CTNNA3: variants seen among roughly 807,000 people sequenced by gnomAD.
The protein encoded by CTNNA3 is catenin alpha-3.
CTNNA3 carries 76 observed loss-of-function variants against 95.7 expected under a neutral mutation model. The observed-to-expected ratio is 0.79, with a 90% CI of 0.66 to 0.96. The LOEUF (loss-of-function observed/expected upper bound fraction) is 0.96. Among genes scored for constraint, CTNNA3 ranks in the 40% least tolerant of loss-of-function variants. The probability of loss-of-function intolerance (pLI) is 0.00; values close to 1 mark genes in which losing one functional copy is unlikely to be tolerated. For missense variants in CTNNA3, 1,191 were observed against 1,089.8 expected (o/e 1.09, Z -1.31); for synonymous variants, 431 against 374.4 (o/e 1.15, Z -1.74).
At chr10:66,418,277 T>C (rs1022445043) in intron 11 of CTNNA3, among the ~76,000 whole-genome samples, 1 of 151,448 alleles carries the variant, frequency 6.6e-6, no homozygotes, top group East Asian at 1.9e-4. Flanking sequence ...CTAGAGGAAG[T>C]AGATACATTG....
At chr10:66,773,411 C>T (rs1439574470) in intron 8 of CTNNA3, among the ~76,000 whole-genome samples, 1 of 152,134 alleles carries the variant, frequency 6.6e-6, no homozygotes, top group Non-Finnish European at 1.5e-5. Context: ...CAACTTGAAA[C>T]AGCATGAAAG....
chr10:66,605,408 T>C (rs1366694116), intron 10 of CTNNA3, among the ~76,000 whole-genome samples: 8 of 152,168 alleles, frequency 5.3e-5, no homozygotes, highest in Non-Finnish European at 1.0e-4. Flanking sequence ...CCATGAGAAC[T>C]TCTCCAACCT....
rs535678005 is a variant in CTNNA3, at chr10:66,452,566, T to G, written c.1531+68051A>C. ...ACAGCTCCTTCTTGGACAAAACCCC[T>G]CATTGCTTGGAGATCAGACTTCCTT... On this transcript the variant is annotated intron_variant, in intron 11 of 17. Transcript: ENST00000433211. Among the ~76,000 whole-genome samples, 22 of 152,242 alleles carry G rather than the reference T, an allele frequency of 1.4e-4. No individual in the cohort carries two copies. The South Asian group carries it at 4.4e-3, about 30-fold the overall frequency.
intron 12 of CTNNA3, among the ~76,000 whole-genome samples, chr10:66,353,185 T>C (rs1194086932): frequency 4.6e-5 from 7 of 152,056 alleles, no homozygotes; most frequent in Admixed American, 2.6e-4. Flanking sequence ...AATTCCTCAG[T>C]AAAGCATTTT....
At chr10:67,126,643 A>T (rs1030640982) in intron 7 of CTNNA3, among the ~76,000 whole-genome samples, 6 of 152,250 alleles carry the variant, frequency 3.9e-5, no homozygotes, top group South Asian at 2.1e-4. Context: ...TTTCTTCAAT[A>T]TATCTCAGCC....
At chr10:67,117,975 T>G (rs1429426859) in intron 7 of CTNNA3, among the ~76,000 whole-genome samples, 1 of 152,078 alleles carries the variant, frequency 6.6e-6, no homozygotes, top group Non-Finnish European at 1.5e-5. Flanking sequence ...AGCAATTATT[T>G]AACACATTAC....
intron 1 of CTNNA3, among the ~76,000 whole-genome samples, chr10:67,726,426 T>TAATAA (rs1554879490): frequency 1.4e-4 from 4 of 29,518 alleles, no homozygotes; most frequent in Non-Finnish European, 1.8e-4. Flanking sequence ...ATATTATATA[T>TAATAA]TATATCATAT....
intron 2 of CTNNA3, among the ~76,000 whole-genome samples, chr10:67,608,954 G>T (rs1242117234): frequency 4.6e-5 from 7 of 151,988 alleles, no homozygotes; most frequent in Non-Finnish European, 8.8e-5. Flanking sequence ...GCCGGGCATG[G>T]TGGCGCATGC....
chr10:67,228,514 G>C (rs1054973525), intron 5 of CTNNA3, among the ~76,000 whole-genome samples: 2 of 152,138 alleles, frequency 1.3e-5, no homozygotes, highest in African/African-American at 4.8e-5. Context: ...TTGGGAGGCT[G>C]AGGCAGGAGA....
intron 7 of CTNNA3, among the ~76,000 whole-genome samples, chr10:66,870,727 A>C (rs1354443924): frequency 6.6e-6 from 1 of 152,188 alleles, no homozygotes; most frequent in Non-Finnish European, 1.5e-5. Flanking sequence ...ACTCCCACTC[A>C]AGAGGTACTA....
intron 10 of CTNNA3, among the ~76,000 whole-genome samples, chr10:66,596,310 A>T (rs1215196586): frequency 6.6e-6 from 1 of 152,052 alleles, no homozygotes; most frequent in Non-Finnish European, 1.5e-5. Flanking sequence ...CCAGGATTCC[A>T]TGCCCCTCAA....
chr10:67,737,867 AC>A (rs774194111), intron 1 of CTNNA3, among the ~76,000 whole-genome samples: 108 of 152,348 alleles, frequency 7.1e-4, no homozygotes, highest in Non-Finnish European at 6.8e-4. Context: ...AGGATCTAGA[AC>A]TAGAAATACC....
At chr10:67,206,913 T>C (rs1863926212) in intron 6 of CTNNA3, among the ~76,000 whole-genome samples, 2 of 152,088 alleles carry the variant, frequency 1.3e-5, no homozygotes, top group Non-Finnish European at 2.9e-5. Context: ...GATGGATTAC[T>C]TGAGGTCAGG....
intron 1 of CTNNA3, among the ~76,000 whole-genome samples, chr10:67,719,899 G>T (rs1352148835): frequency 1.3e-5 from 2 of 152,080 alleles, no homozygotes; most frequent in East Asian, 3.9e-4. Context: ...TGACAGTGGG[G>T]TGTTAGAGTC....
intron 1 of CTNNA3, among the ~76,000 whole-genome samples, chr10:67,648,268 G>C (rs1468231429): frequency 1.4e-4 from 21 of 152,104 alleles, no homozygotes; most frequent in Admixed American, 1.4e-3. Flanking sequence ...GCATGTCATA[G>C]TCGGATTAAC....
chr10:67,237,169 T>TATATATATATATATATATAC (rs1865522839), intron 5 of CTNNA3, among the ~76,000 whole-genome samples: 2 of 117,666 alleles, frequency 1.7e-5, no homozygotes, highest in African/African-American at 6.4e-5. Flanking sequence ...TATATATATA[T>TATATATATATATATATATAC]ATATACACAC....
intron 3 of CTNNA3, among the ~76,000 whole-genome samples, chr10:67,566,256 T>G (rs1176576639): frequency 7.1e-6 from 1 of 141,648 alleles, no homozygotes; most frequent in Non-Finnish European, 1.5e-5. Context: ...GGGAGAAAAT[T>G]TTCGCAACCT....
rs78181885 is a variant in CTNNA3 at position 67,335,161 on chromosome 10, G to A, written c.580-115291C>T. 0.018 allele frequency among the ~76,000 whole-genome samples: 2,714 copies of A among 152,036 alleles called. 210 individuals are homozygous for A. The East Asian group carries it at 0.24, about 13-fold the overall frequency. On this transcript the variant is annotated intron_variant, in intron 5 of 17. Coordinates refer to ENST00000433211, the MANE Select transcript of CTNNA3 (RefSeq NM_013266.4). ...TCTCGTGGGACACCAGTTTCCTCCC[G>A]TATCCCAAAGATGTCCACATTAGAT...
intron 12 of CTNNA3, among the ~76,000 whole-genome samples, chr10:66,370,738 C>G (rs950699318): frequency 6.6e-6 from 1 of 152,058 alleles, no homozygotes; most frequent in Admixed American, 6.6e-5. Context: ...GAGACAGGGT[C>G]TCACTCTGTT....
Sources: gnomAD v4.1 joint callset for allele counts (sites outside exome capture counted in the v4.1 genomes callset) on GRCh38, gnomAD v4.1.1 for gene constraint, MANE v1.5 for transcripts, NCBI Gene and HGNC (gene_info 2026-07-23, HGNC 2026-07-21) for gene names.